Variants in PPP2R3B observed in about 807,000 individuals in gnomAD.
PPP2R3B encodes the protein protein phosphatase 2 regulatory subunit B''beta, also known as serine/threonine-protein phosphatase 2A regulatory subunit B'' subunit beta.
A neutral mutation model predicts 72.9 loss-of-function variants in PPP2R3B; 68 were observed. The ratio of observed to expected loss-of-function variants is 0.93; its 90% CI spans 0.77 to 1.14. The LOEUF (loss-of-function observed/expected upper bound fraction) is 1.14, where lower values mean the gene tolerates loss of function less well. Ranked by LOEUF, PPP2R3B falls within the 50% of genes most tolerant of loss-of-function variation. The probability of loss-of-function intolerance (pLI) is 0.00; values close to 1 mark genes in which losing one functional copy is unlikely to be tolerated. For missense variants in PPP2R3B, 1,018 were observed against 842.0 expected (o/e 1.21, Z -2.59); for synonymous variants, 466 against 375.8 (o/e 1.24, Z -2.78).
chrX:356,272 G>A (rs1209086738), intron 2 of PPP2R3B, among the ~76,000 whole-genome samples: 2 of 152,198 alleles, frequency 1.3e-5, no homozygotes, highest in Non-Finnish European at 2.9e-5. Context: ...CTGGAGTGCA[G>A]TGGTGCGATC....
chrX:382,627 C>A (rs1425810979), intron 1 of PPP2R3B, among the ~76,000 whole-genome samples: 2 of 152,174 alleles, frequency 1.3e-5, no homozygotes, highest in African/African-American at 4.8e-5. Flanking sequence ...GCTTTGAACA[C>A]CTTTGGAACT....
intron 2 of PPP2R3B, among the ~76,000 whole-genome samples, chrX:358,503 C>CA (rs1382096122): frequency 6.6e-6 from 1 of 152,216 alleles, no homozygotes; most frequent in African/African-American, 2.4e-5. Context: ...GCAAGCGACA[C>CA]AACTTCAGTC....
At chrX:341,494 C>CCCT (rs2071074682) in intron 8 of PPP2R3B, 98 bp from the exon 9 acceptor site, 3 of 1,298,812 alleles carry the variant, frequency 2.3e-6, no homozygotes, top group South Asian at 2.4e-5. Context: ...GGGGAGCCCC[C>CCCT]CGGGCCCGGC....
At chrX:336,499 TC>T (rs2070892840) in intron 12 of PPP2R3B, 1 of 151,944 alleles carries the variant, frequency 6.6e-6, no homozygotes, top group African/African-American at 2.4e-5. Flanking sequence ...CTGGCCGTGG[TC>T]TGCCCTGACA....
intron 1 of PPP2R3B, among the ~76,000 whole-genome samples, chrX:372,193 G>A (rs2124351183): frequency 6.6e-6 from 1 of 152,330 alleles, no homozygotes; most frequent in South Asian, 2.1e-4. Context: ...CGCAGGTTAA[G>A]AGGATTTTAA....
intron 10 of PPP2R3B, among the ~76,000 whole-genome samples, chrX:339,245 A>G (rs1487799561): frequency 1.9e-4 from 24 of 129,502 alleles, no homozygotes. Context: ...TCCCGGGGAC[A>G]CTGAGCAGCA....
intron 1 of PPP2R3B, among the ~76,000 whole-genome samples, chrX:367,486 C>A (rs2071746681): frequency 6.6e-6 from 1 of 151,784 alleles, no homozygotes; most frequent in African/African-American, 2.4e-5. Flanking sequence ...TGGTCTTGAA[C>A]TCCTGGCCTC....
intron 1 of PPP2R3B, 131 bp from the exon 2 acceptor site, chrX:361,721 AC>A: frequency 3.9e-6 from 4 of 1,013,188 alleles, no homozygotes; most frequent in Non-Finnish European, 5.9e-6. Context: ...GAGAGGACAC[AC>A]TGCAATCCCT....
At chrX:340,596 G>T (rs1157802043) in intron 10 of PPP2R3B, 169 bp downstream of exon 10, 1 of 103,202 alleles carries the variant, frequency 9.7e-6, no homozygotes, top group Non-Finnish European at 1.8e-5. Flanking sequence ...CCTCCCTCCC[G>T]TCCGTCCCCT....
chrX:386,667 G>A lies in PPP2R3B; in HGVS notation c.25C>T (p.Pro9Ser), dbSNP rs1289735973. The A allele has an allele frequency of 3.7e-6, 5 of 1,343,402 alleles. No homozygotes were observed. The highest frequency in any genetic ancestry group is 3.8e-6 in the Non-Finnish European group (4 of 1,049,446). 83.2% of individuals were successfully genotyped at this position (1,343,402 alleles called of 1,614,324 possible). ...TCGTCCACCTTCATCTTCAGGACCG[G>A]CTGCAGCACTTTGCCGGGCGGCATG... MPPGKVLQ[P>S]VLKMKVDELF... The change falls in exon 1 of 13, where the codon CCG becomes TCG. Residue 9 changes from proline (P) to serine (S), a missense_variant. Coordinates refer to ENST00000390665, the MANE Select transcript of PPP2R3B (RefSeq NM_013239.5).
intron 1 of PPP2R3B, among the ~76,000 whole-genome samples, chrX:367,304 T>TAA (rs1023666740): frequency 6.9e-6 from 1 of 145,452 alleles, no homozygotes; most frequent in Non-Finnish European, 1.5e-5. Context: ...TATGTTCAAT[T>TAA]AAAAAAAAAA....
intron 1 of PPP2R3B, among the ~76,000 whole-genome samples, chrX:380,368 T>C (rs1007426102): frequency 6.6e-6 from 1 of 152,142 alleles, no homozygotes; most frequent in African/African-American, 2.4e-5. Context: ...AGTGATAACA[T>C]AACCCAATTT....
At chrX:346,614 G>A (rs1192467179) in intron 5 of PPP2R3B, 87 bp downstream of exon 5, 73 of 1,320,606 alleles carry the variant, frequency 5.5e-5, no homozygotes, top group Non-Finnish European at 6.9e-5. Context: ...GGCCCCGCCC[G>A]CCCCGTCCGC....
Position 367,815 on chromosome X carries a change from TA to T in PPP2R3B, c.325-6226del, listed in dbSNP as rs1569409748. Among the ~76,000 whole-genome samples, 808 of 152,184 alleles carry T rather than the reference TA, an allele frequency of 5.3e-3. 11 individuals carry two copies. The highest frequency in any genetic ancestry group is 0.019 in the African/African-American group (772 of 41,516). ...ACACAGAGGACAGAAAGACAGGAGA[TA>T]TATGTGACTTAAGGACCCAGAGGCT... is the stretch of plus-strand genomic sequence containing the variant. On this transcript the variant is annotated intron_variant, in intron 1 of 12. Transcript: ENST00000390665.
At position 338,658 on chromosome X, in the gene PPP2R3B, T is replaced by C. The variant is rs1323615606; in HGVS notation, c.1523A>G (p.Glu508Gly). ...ELSDWEKYAA[E>G]EYDILVAEET... The stretch of plus-strand genomic sequence containing the variant: ...CTCGGCCACCAGGATGTCGTACTCC[T>C]CGGCCGCGTACTTCTCCCAGTCCGA... Residue 508 changes from glutamate to glycine, a missense_variant, in exon 12 of 13, where the codon GAG becomes GGG. Glu to Gly is a moderately conservative substitution (Grantham distance 98). Transcript: ENST00000390665. 2 of 1,610,868 alleles carry C rather than the reference T, an allele frequency of 1.2e-6. No individual in the cohort carries two copies. The highest frequency in any genetic ancestry group is 1.7e-6 in the Non-Finnish European group (2 of 1,179,580).
At chrX:349,322 C>G (rs2071282700) in intron 2 of PPP2R3B, among the ~76,000 whole-genome samples, 1 of 152,134 alleles carries the variant, frequency 6.6e-6, no homozygotes, top group South Asian at 2.1e-4. Context: ...AGCCTGCAGA[C>G]CTGTGAACAG....
chrX:341,142 G>A (rs1224254441), intron 9 of PPP2R3B, 165 bp downstream of exon 9: 1 of 108,020 alleles, frequency 9.3e-6, no homozygotes, highest in Non-Finnish European at 1.1e-5. Context: ...CCCACCAGGC[G>A]TGCACATGTC....
intron 1 of PPP2R3B, among the ~76,000 whole-genome samples, chrX:379,813 C>T (rs1170997716): frequency 1.3e-5 from 2 of 152,204 alleles, no homozygotes; most frequent in African/African-American, 4.8e-5. Flanking sequence ...TTCCAACAGG[C>T]TTTTCTTGCT....
At chrX:382,203 T>C (rs1247761881) in intron 1 of PPP2R3B, among the ~76,000 whole-genome samples, 1 of 150,092 alleles carries the variant, frequency 6.7e-6, no homozygotes, top group East Asian at 1.9e-4. Context: ...TTTCTTTTTT[T>C]TTTTTTTTTG....
Sources: gnomAD v4.1 joint callset for allele counts (sites outside exome capture counted in the v4.1 genomes callset) on GRCh38, gnomAD v4.1.1 for gene constraint, MANE v1.5 for transcripts, NCBI Gene and HGNC (gene_info 2026-07-23, HGNC 2026-07-21) for gene names.